The following HDAC9 variants were observed in gnomAD, a reference collection of about 807,000 sequenced individuals.
HDAC9 encodes the protein histone deacetylase 9.
Under a neutral mutation model 139.4 loss-of-function variants are expected in HDAC9, and 41 were observed. The ratio of observed to expected loss-of-function variants is 0.29; its 90% CI spans 0.23 to 0.38. The LOEUF (loss-of-function observed/expected upper bound fraction) is 0.38, where lower values mean the gene tolerates loss of function less well. Among genes scored for constraint, HDAC9 ranks in the 10% least tolerant of loss-of-function variants. HDAC9 has a pLI of 1.00. For synonymous variants in HDAC9, 517 were observed against 476.2 expected (o/e 1.09, Z -1.12); for missense variants, 1,147 against 1,297.0 (o/e 0.88, Z 1.78).
At chr7:18,991,444 T>C (rs933301598) in intron 25 of HDAC9, among the ~76,000 whole-genome samples, 45 of 152,302 alleles carry the variant, frequency 3.0e-4, no homozygotes, top group African/African-American at 9.9e-4. Flanking sequence ...AAGACCATCC[T>C]GGCTAACACG....
intron 11 of HDAC9, among the ~76,000 whole-genome samples, chr7:18,648,919 T>A (rs1788305669): frequency 6.6e-6 from 1 of 152,204 alleles, no homozygotes; most frequent in Non-Finnish European, 1.5e-5. Context: ...AAGATCTTTT[T>A]ATGATCAGGT....
At chr7:18,201,439 GA>G (rs1791115846) in intron 2 of HDAC9, among the ~76,000 whole-genome samples, 1 of 152,182 alleles carries the variant, frequency 6.6e-6, no homozygotes, top group South Asian at 2.1e-4. Flanking sequence ...ACCCAAGGTG[GA>G]AGCCAGCTTC....
chr7:18,371,212 C>T (rs374195036), intron 1 of HDAC9, among the ~76,000 whole-genome samples: 11 of 152,096 alleles, frequency 7.2e-5, no homozygotes, highest in East Asian at 3.8e-4. Context: ...TTCAATTTAA[C>T]GATATGTAGG....
chr7:18,402,118 C>T lies in HDAC9; in HGVS notation c.-41-94144C>T, dbSNP rs531156960. Among the ~76,000 whole-genome samples, 6 of 152,288 alleles carry T rather than the reference C, an allele frequency of 3.9e-5. No individual in the cohort carries two copies. The South Asian group carries it at 1.2e-3, about 32-fold the overall frequency. ...TGTTAGGCACTGATCTTGAGTTAAACACCATGGTTGACTTGGAGGGGGTGG... is the reference window on the plus strand; with the variant it reads ...TGTTAGGCACTGATCTTGAGTTAAATACCATGGTTGACTTGGAGGGGGTGG... On this transcript the variant is annotated intron_variant, in intron 1 of 3. Coordinates refer to the HDAC9 transcript ENST00000413509.
chr7:18,408,205 A>G (rs1382329519), intron 1 of HDAC9, among the ~76,000 whole-genome samples: 1 of 152,192 alleles, frequency 6.6e-6, no homozygotes, highest in Non-Finnish European at 1.5e-5. Context: ...GAACCAACCT[A>G]AAGGTTTTTC....
intron 23 of HDAC9, among the ~76,000 whole-genome samples, chr7:18,937,317 C>A (rs527589849): frequency 6.6e-6 from 1 of 152,146 alleles, no homozygotes; most frequent in South Asian, 2.1e-4. Flanking sequence ...GAATTACAGG[C>A]CTGAACCACC....
chr7:18,967,295 C>T (rs955083361), intron 24 of HDAC9, among the ~76,000 whole-genome samples: 3 of 152,038 alleles, frequency 2.0e-5, no homozygotes, highest in African/African-American at 7.2e-5. Flanking sequence ...TTTTGTAAAT[C>T]AATTTTCAGT....
intron 1 of HDAC9, among the ~76,000 whole-genome samples, chr7:18,134,278 C>G (rs111901845): frequency 5.3e-5 from 8 of 152,196 alleles, no homozygotes; most frequent in African/African-American, 1.9e-4. Flanking sequence ...ATTCCTAATT[C>G]TGCTGGATAG....
intron 2 of HDAC9, among the ~76,000 whole-genome samples, chr7:18,242,448 A>G (rs569072754): frequency 4.6e-5 from 7 of 152,298 alleles, no homozygotes; most frequent in African/African-American, 1.7e-4. Flanking sequence ...TTGAATTTAA[A>G]TCCTTGAGAT....
chr7:18,118,001 C>G (rs573424940), intron 1 of HDAC9, among the ~76,000 whole-genome samples: 1 of 152,172 alleles, frequency 6.6e-6, no homozygotes. Context: ...TCATCACTTA[C>G]AGATCTCTCT....
intron 2 of HDAC9, among the ~76,000 whole-genome samples, chr7:18,210,673 G>A (rs1791877303): frequency 6.6e-6 from 1 of 152,162 alleles, no homozygotes; most frequent in South Asian, 2.1e-4. Context: ...ATATGGCTAA[G>A]TAATTTTCAG....
intron 8 of HDAC9, among the ~76,000 whole-genome samples, chr7:18,638,155 A>G (rs1784486014): frequency 6.6e-6 from 1 of 152,084 alleles, no homozygotes; most frequent in Non-Finnish European, 1.5e-5. Context: ...AAGTTTTCGT[A>G]TTAAAGTAGT....
chr7:18,777,868 T>C (rs1299412969), intron 16 of HDAC9, among the ~76,000 whole-genome samples: 1 of 151,914 alleles, frequency 6.6e-6, no homozygotes, highest in Admixed American at 6.6e-5. Context: ...AGAGGGCTGA[T>C]TCACAGCCTC....
chr7:18,772,711 C>G (rs2129165598), intron 16 of HDAC9, among the ~76,000 whole-genome samples: 1 of 152,150 alleles, frequency 6.6e-6, no homozygotes, highest in East Asian at 1.9e-4. Context: ...TTTTCATCAG[C>G]TTCAGACTTG....
At chr7:18,685,277 A>T (rs376212513) in intron 12 of HDAC9, among the ~76,000 whole-genome samples, 2 of 151,428 alleles carry the variant, frequency 1.3e-5, no homozygotes, top group African/African-American at 4.9e-5. Flanking sequence ...TAACTATATC[A>T]CTCCCTTTTC....
chr7:18,980,146 T>A (rs1168695043), intron 25 of HDAC9, among the ~76,000 whole-genome samples: 2 of 152,130 alleles, frequency 1.3e-5, no homozygotes, highest in Non-Finnish European at 2.9e-5. Flanking sequence ...ATCTCTATTT[T>A]CCCAACGTGT....
intron 22 of HDAC9, among the ~76,000 whole-genome samples, chr7:18,926,002 A>C (rs963170245): frequency 6.6e-6 from 1 of 152,044 alleles, no homozygotes; most frequent in African/African-American, 2.4e-5. Context: ...GGAGTATGTA[A>C]ACTTGCAATT....
At chr7:18,883,234 G>C (rs562996014) in intron 22 of HDAC9, among the ~76,000 whole-genome samples, 31 of 152,100 alleles carry the variant, frequency 2.0e-4, no homozygotes, top group African/African-American at 6.3e-4. Flanking sequence ...TACAATTTTA[G>C]TTAACTGACA....
chr7:18,533,676 C>T (rs1162405316), intron 2 of HDAC9, among the ~76,000 whole-genome samples: 3 of 152,032 alleles, frequency 2.0e-5, no homozygotes, highest in Non-Finnish European at 4.4e-5. Context: ...ATTCTATGGC[C>T]TCTTTCACCT....
Sources: allele counts gnomAD v4.1 joint callset (sites outside exome capture counted in the v4.1 genomes callset), GRCh38; gene constraint gnomAD v4.1.1; transcripts MANE v1.5; gene names NCBI Gene and HGNC (gene_info 2026-07-23, HGNC 2026-07-21).